Variants in SLC39A12 observed in about 807,000 individuals in gnomAD.
SLC39A12 encodes the protein solute carrier family 39 member 12.
A neutral mutation model predicts 71.1 loss-of-function variants in SLC39A12; 63 were observed. The ratio of observed to expected loss-of-function variants is 0.89; its 90% CI spans 0.72 to 1.09. The LOEUF is 1.09. SLC39A12 is among the 50% of genes least tolerant of loss of function. The pLI is 0.00. For missense variants in SLC39A12, 892 were observed against 812.6 expected (o/e 1.10, Z -1.19); for synonymous variants, 351 against 301.3 (o/e 1.16, Z -1.71).
intron 8 of SLC39A12, among the ~76,000 whole-genome samples, chr10:17,991,819 T>C (rs1262825369): frequency 6.6e-6 from 1 of 152,170 alleles, no homozygotes; most frequent in Non-Finnish European, 1.5e-5. Flanking sequence ...CCGGGCGCTG[T>C]GGCTCATGCC....
chr10:17,974,724 C>A (rs1564643182), intron 4 of SLC39A12, among the ~76,000 whole-genome samples: 1 of 152,170 alleles, frequency 6.6e-6, no homozygotes, highest in Non-Finnish European at 1.5e-5. Flanking sequence ...GACCTGAAGC[C>A]AGCACAGCAC....
chr10:18,024,830 G>A (rs756167109), intron 12 of SLC39A12, among the ~76,000 whole-genome samples: 1 of 152,094 alleles, frequency 6.6e-6, no homozygotes, highest in Non-Finnish European at 1.5e-5. Context: ...TTTTCCTGGA[G>A]TATTAAATCA....
At chr10:17,981,036 A>G (rs146672909) in intron 5 of SLC39A12, among the ~76,000 whole-genome samples, 27 of 152,286 alleles carry the variant, frequency 1.8e-4, no homozygotes, top group African/African-American at 6.3e-4. Context: ...ACATTGTAAA[A>G]CACAATGTGT....
chr10:18,016,835 C>T (rs113908650), intron 12 of SLC39A12, among the ~76,000 whole-genome samples: 6 of 152,280 alleles, frequency 3.9e-5, no homozygotes, highest in African/African-American at 1.4e-4. Flanking sequence ...TGCCATCATA[C>T]ATCTTCTTTG....
Position 17,961,616 on chromosome 10 carries a change from A to G in SLC39A12, c.297A>G (p.Gly99=), listed in dbSNP as rs1834691312. Reference sequence around the variant, plus strand: ...CAGATGCACTATTACTAATAGCTGGAGGAAATTTTGAAGATCAGCTTAGAG... The same window carrying G: ...CAGATGCACTATTACTAATAGCTGGGGGAAATTTTGAAGATCAGCTTAGAG... ...FEPDALLLIA[G]GNFEDQLREE... is the part of the protein sequence containing the mutation. The change falls in exon 3 of 13, where the codon GGA becomes GGG. Residue 99 remains glycine, a synonymous_variant. Transcript: ENST00000377369. The G allele has an allele frequency of 6.2e-7, 1 of 1,613,604 alleles. No homozygotes were observed. Among genetic ancestry groups the G allele is most frequent in the South Asian group, 1.1e-5 (1 of 90,976 alleles).
At chr10:18,036,788 ATATATAT>A (rs1837056343) in intron 12 of SLC39A12, among the ~76,000 whole-genome samples, 3 of 17,012 alleles carry the variant, frequency 1.8e-4, no homozygotes, top group Non-Finnish European at 4.1e-4. Context: ...ATATATATAT[ATATATAT>A]TTTTTTTTTT....
chr10:17,970,787 C>A (rs1298296387), intron 4 of SLC39A12, among the ~76,000 whole-genome samples: 1 of 151,318 alleles, frequency 6.6e-6, no homozygotes, highest in Admixed American at 6.6e-5. Context: ...TTTGGATGCC[C>A]TTTATTTCTA....
rs532825096 is a variant in SLC39A12, at chr10:17,996,979, C to A, written c.1600+1257C>A. On this transcript the variant is annotated intron_variant, in intron 10 of 12. Transcript: ENST00000377369. ...GCAGTGAGCCGAGATCGCGCCACTGCACTCCAGCACTCTAGTCTGTGCAAC... is the reference window on the plus strand; with the variant it reads ...GCAGTGAGCCGAGATCGCGCCACTGAACTCCAGCACTCTAGTCTGTGCAAC... Among the ~76,000 whole-genome samples the A allele has an allele frequency of 3.5e-5, 5 of 144,224 alleles. No individual in the cohort carries two copies. The South Asian group carries it at 8.7e-4, about 25-fold the overall frequency. The allele number at this position is 144,224 out of a possible 152,430, so 94.6% of individuals were successfully genotyped here.
chr10:17,993,088 G>A (rs1835595588), intron 8 of SLC39A12, 93 bp from the exon 9 acceptor site: 2 of 791,796 alleles, frequency 2.5e-6, no homozygotes, highest in African/African-American at 1.8e-5. Context: ...TACCATTTTG[G>A]CCAATAGGCA....
chr10:17,962,544 C>T (rs565825057), intron 3 of SLC39A12, among the ~76,000 whole-genome samples: 2 of 151,410 alleles, frequency 1.3e-5, no homozygotes, highest in Admixed American at 1.3e-4. Flanking sequence ...TTTCTTTAAG[C>T]CACGGGTTTT....
intron 12 of SLC39A12, among the ~76,000 whole-genome samples, chr10:18,004,014 G>A (rs1005350004): frequency 6.6e-6 from 1 of 152,158 alleles, no homozygotes; most frequent in African/African-American, 2.4e-5. Context: ...AGAGGTCCTT[G>A]CTGACCTTAA....
At chr10:17,974,394 C>G (rs1835051704) in intron 4 of SLC39A12, among the ~76,000 whole-genome samples, 1 of 152,156 alleles carries the variant, frequency 6.6e-6, no homozygotes, top group African/African-American at 2.4e-5. Flanking sequence ...CTTGTTTGTA[C>G]TCACTGTTCT....
intron 12 of SLC39A12, among the ~76,000 whole-genome samples, chr10:18,029,178 T>C (rs955477303): frequency 1.3e-5 from 2 of 152,204 alleles, no homozygotes; most frequent in African/African-American, 4.8e-5. Flanking sequence ...GCCCAAAACA[T>C]TTTCTTAATG....
intron 12 of SLC39A12, among the ~76,000 whole-genome samples, chr10:18,028,351 A>G (rs1330750070): frequency 6.6e-6 from 1 of 152,210 alleles, no homozygotes; most frequent in East Asian, 1.9e-4. Flanking sequence ...CAGTGTGTAT[A>G]TTTATGAATC....
chr10:17,987,502 G>A lies in SLC39A12; in HGVS notation c.1120G>A (p.Val374Ile), dbSNP rs1426595061. The A allele has an allele frequency of 3.1e-6, 5 of 1,613,674 alleles. No homozygotes were observed. The Admixed American group carries it at 6.7e-5, about 22-fold the overall frequency. Residue 374 changes from valine to isoleucine, a missense_variant, in exon 7 of 13, where the codon GTC becomes ATC. Physicochemically the swap from Val to Ile is conservative, Grantham distance 29. Coordinates refer to ENST00000377369, the MANE Select transcript of SLC39A12 (RefSeq NM_001145195.2). Reference sequence around the variant, plus strand: ...AGAATACGGCTACAGCACGGTGGCTGTCACCCTTCTCACACTGGGCTCCAT... The same window carrying A: ...AGAATACGGCTACAGCACGGTGGCTATCACCCTTCTCACACTGGGCTCCAT... Reference protein sequence around the residue: ...LEKYGYSTVAVTLLTLGSMLG... With the variant: ...LEKYGYSTVAITLLTLGSMLG...
intron 7 of SLC39A12, among the ~76,000 whole-genome samples, chr10:17,988,545 A>G (rs117044855): frequency 0.01 from 1,547 of 152,282 alleles, 23 homozygotes; most frequent in Non-Finnish European, 0.012. Context: ...TTTATAGGTT[A>G]TCCAGCCTCA....
intron 12 of SLC39A12, among the ~76,000 whole-genome samples, chr10:18,035,705 C>T (rs1836985791): frequency 1.3e-5 from 2 of 152,202 alleles, no homozygotes; most frequent in Admixed American, 6.5e-5. Context: ...CTGCGTTCCG[C>T]TGGAGGAGGA....
intron 5 of SLC39A12, 67 bp downstream of exon 5, chr10:17,978,141 T>C (rs1835162879): frequency 7.5e-7 from 1 of 1,340,192 alleles, no homozygotes; most frequent in Non-Finnish European, 1.0e-6. Context: ...GTGAAAGTTT[T>C]ATTAGAGTTG....
intron 12 of SLC39A12, among the ~76,000 whole-genome samples, chr10:18,038,697 C>G (rs571893403): frequency 6.6e-6 from 1 of 152,028 alleles, no homozygotes; most frequent in South Asian, 2.1e-4. Context: ...ATAACTGGGA[C>G]ATGTTTTGGA....
Sources: allele counts gnomAD v4.1 joint callset (sites outside exome capture counted in the v4.1 genomes callset), GRCh38; gene constraint gnomAD v4.1.1; transcripts MANE v1.5; gene names NCBI Gene and HGNC (gene_info 2026-07-23, HGNC 2026-07-21).